CAMTA1: variants seen among roughly 807,000 people sequenced by gnomAD.
The protein encoded by CAMTA1 is calmodulin-binding transcription activator 1.
Under a neutral mutation model 170.9 loss-of-function variants are expected in CAMTA1, and 27 were observed. The observed-to-expected ratio is 0.16, with a 90% CI of 0.12 to 0.22. The LOEUF is 0.22. CAMTA1 is among the 10% of genes least tolerant of loss of function. CAMTA1 has a pLI of 1.00. For missense variants in CAMTA1, 1,619 were observed against 2,217.2 expected, an observed-to-expected ratio of 0.73 and a Z score of 5.42; for synonymous variants, 833 against 891.5, an observed-to-expected ratio of 0.93 and a Z score of 1.17.
chr1:6,921,070 T>C (rs1233127524), intron 3 of CAMTA1, among the ~76,000 whole-genome samples: 2 of 152,248 alleles, frequency 1.3e-5, no homozygotes, highest in Non-Finnish European at 2.9e-5. Flanking sequence ...TTCTTTTCAA[T>C]TGCATTGCAA....
Position 7,249,716 on chromosome 1 carries a change from T to C in CAMTA1, c.438+90T>C. 1 of 1,450,044 alleles carries C rather than the reference T, an allele frequency of 6.9e-7. No individual in the cohort carries two copies. The highest frequency in any genetic ancestry group is 9.3e-7 in the Non-Finnish European group (1 of 1,072,698). The allele number at this position is 1,450,044 out of a possible 1,614,324, so 89.8% of individuals were successfully genotyped here. ...ATTGCTTGGAGTAATTTGATGCGAG[T>C]CACCTCTGTCCAAAGAATTTTTGTT... On this transcript the variant is annotated intron_variant, in intron 5 of 22. Coordinates refer to ENST00000303635, the MANE Select transcript of CAMTA1 (RefSeq NM_015215.4). The surrounding 1 kb of genome is among the most constrained non-coding windows in gnomAD (Gnocchi z 4.4).
intron 3 of CAMTA1, among the ~76,000 whole-genome samples, chr1:6,847,402 C>G (rs189151038): frequency 6.6e-6 from 1 of 152,004 alleles, no homozygotes; most frequent in Non-Finnish European, 1.5e-5. Context: ...TGCAAAGGAA[C>G]GGAAGAAGGA....
chr1:7,055,833 G>A (rs1707241060), intron 3 of CAMTA1, among the ~76,000 whole-genome samples: 1 of 152,238 alleles, frequency 6.6e-6, no homozygotes, highest in Non-Finnish European at 1.5e-5. Context: ...TCCCTGCCAT[G>A]AGTCTTGATG....
intron 3 of CAMTA1, among the ~76,000 whole-genome samples, chr1:6,928,078 C>T (rs1683675205): frequency 6.6e-6 from 1 of 152,164 alleles, no homozygotes; most frequent in Non-Finnish European, 1.5e-5. Flanking sequence ...GGGGCATCAG[C>T]CTCAGGACCC....
At chr1:6,809,613 G>C (rs972196634) in intron 1 of CAMTA1, among the ~76,000 whole-genome samples, 1 of 152,038 alleles carries the variant, frequency 6.6e-6, no homozygotes, top group South Asian at 2.1e-4. Context: ...ACCAATGAAT[G>C]AATCAGTTCA....
intron 4 of CAMTA1, among the ~76,000 whole-genome samples, chr1:7,220,838 C>A (rs2149127208): frequency 6.6e-6 from 1 of 152,334 alleles, no homozygotes; most frequent in Admixed American, 6.5e-5. Flanking sequence ...CCCACGAGTG[C>A]CTGGACATGG....
chr1:7,181,408 G>A (rs541546157), intron 4 of CAMTA1, among the ~76,000 whole-genome samples: 1 of 152,114 alleles, frequency 6.6e-6, no homozygotes, highest in Non-Finnish European at 1.5e-5. Context: ...AGATAAATCA[G>A]TTACTGGCAT....
intron 4 of CAMTA1, among the ~76,000 whole-genome samples, chr1:7,107,463 C>T (rs149900330): frequency 9.9e-5 from 15 of 152,142 alleles, no homozygotes; most frequent in Non-Finnish European, 1.5e-4. Context: ...CTGATAGGGT[C>T]GGGAGAGACA....
At chr1:6,999,379 G>T (rs2100591815) in intron 3 of CAMTA1, among the ~76,000 whole-genome samples, 1 of 152,206 alleles carries the variant, frequency 6.6e-6, no homozygotes, top group East Asian at 1.9e-4. Flanking sequence ...GAGGCCTCGG[G>T]GAGCATTTAT....
At chr1:6,798,880 GCCTCCA>G (rs147975938) in intron 1 of CAMTA1, among the ~76,000 whole-genome samples, 2,508 of 151,962 alleles carry the variant, frequency 0.017, 31 homozygotes, top group South Asian at 0.031. Context: ...ACAGACGTTA[GCCTCCA>G]CCTCCACGCC....
chr1:7,516,304 A>G (rs1054815557), intron 6 of CAMTA1, among the ~76,000 whole-genome samples: 2 of 152,252 alleles, frequency 1.3e-5, no homozygotes, highest in Non-Finnish European at 2.9e-5. Flanking sequence ...TTTTAATGTT[A>G]TTAATTTTTA....
At chr1:7,357,524 C>T (rs1219623974) in intron 5 of CAMTA1, among the ~76,000 whole-genome samples, 1 of 152,176 alleles carries the variant, frequency 6.6e-6, no homozygotes, top group Non-Finnish European at 1.5e-5. Context: ...ATTTCCATCT[C>T]ACAGGAATGG....
Position 7,732,547 on chromosome 1 carries a change from G to A in CAMTA1, c.3014G>A (p.Gly1005Asp). Residue 1005 changes from glycine to aspartate, a missense_variant, in exon 12 of 23, where the codon GGC (glycine) becomes GAC (aspartate). Physicochemically the swap from Gly to Asp is moderately conservative, Grantham distance 94 (BLOSUM62 -1). This residue lies in a region of CAMTA1 where 143 missense variants were observed against 184.2 expected (regional missense o/e 0.78). Coordinates refer to ENST00000303635, the MANE Select transcript of CAMTA1 (RefSeq NM_015215.4). The surrounding 1 kb of genome is among the most constrained non-coding windows in gnomAD (Gnocchi z 4.1). ...GSQQHKQASG[G>D]GSSGGGSGSG... The stretch of plus-strand genomic sequence containing the variant: ...CAGCAGCACAAACAGGCGAGCGGAG[G>A]CGGCAGCAGTGGAGGCGGCAGCGGG... 1 of 1,613,474 alleles carries A rather than the reference G, an allele frequency of 6.2e-7. No homozygotes were observed. Among genetic ancestry groups the A allele is most frequent in the Non-Finnish European group, 8.5e-7 (1 of 1,179,944 alleles).
intron 5 of CAMTA1, among the ~76,000 whole-genome samples, chr1:7,401,624 A>G (rs1042868136): frequency 6.6e-6 from 1 of 152,134 alleles, no homozygotes; most frequent in Non-Finnish European, 1.5e-5. Flanking sequence ...TCAACATGGT[A>G]TGTTTCTCCA....
At chr1:7,434,196 G>A (rs557680244) in intron 5 of CAMTA1, among the ~76,000 whole-genome samples, 1 of 152,190 alleles carries the variant, frequency 6.6e-6, no homozygotes, top group East Asian at 1.9e-4. Context: ...GCTGCTCTGA[G>A]CATTTGCAGA....
intron 16 of CAMTA1, among the ~76,000 whole-genome samples, chr1:7,739,723 G>A (rs2096797241): frequency 6.6e-6 from 1 of 152,128 alleles, no homozygotes; most frequent in Admixed American, 6.5e-5. Context: ...ACAGTATGGA[G>A]GAAACCACCC....
At chr1:7,098,669 CAT>C (rs1642375933) in intron 4 of CAMTA1, among the ~76,000 whole-genome samples, 2 of 152,204 alleles carry the variant, frequency 1.3e-5, no homozygotes, top group African/African-American at 2.4e-5. Context: ...CAGAATACCA[CAT>C]GTCAAAGCAG....
intron 11 of CAMTA1, among the ~76,000 whole-genome samples, chr1:7,725,670 T>C (rs2096680193): frequency 6.6e-6 from 1 of 152,036 alleles, no homozygotes; most frequent in African/African-American, 2.4e-5. Flanking sequence ...AGGGCAGCGG[T>C]TCTTGAAATG....
chr1:7,567,234 A>G (rs2150307550), intron 6 of CAMTA1, among the ~76,000 whole-genome samples: 1 of 152,320 alleles, frequency 6.6e-6, no homozygotes, highest in Non-Finnish European at 1.5e-5. Context: ...GCCACTCACC[A>G]TGGAAGCATG....
Sources: allele counts gnomAD v4.1 joint callset (sites outside exome capture counted in the v4.1 genomes callset), GRCh38; gene constraint gnomAD v4.1.1; regional missense constraint gnomAD v4.1.1; non-coding constraint Gnocchi (gnomAD v3.1); transcripts MANE v1.5; gene names NCBI Gene and HGNC (gene_info 2026-07-23, HGNC 2026-07-21).